The following EML5 variants were observed in gnomAD, a reference collection of about 807,000 sequenced individuals.
EML5 encodes the protein echinoderm microtubule-associated protein-like 5.
EML5 carries 120 observed loss-of-function variants against 250.0 expected under a neutral mutation model. That is an observed-to-expected ratio of 0.48 (90% CI 0.41 to 0.56). The LOEUF (loss-of-function observed/expected upper bound fraction) is 0.56. EML5 is among the 20% of genes least tolerant of loss of function. The pLI is 0.00. For missense variants in EML5, 2,006 were observed against 2,437.6 expected (o/e 0.82, Z 3.73); for synonymous variants, 771 against 806.5 (o/e 0.96, Z 0.75).
At chr14:88,702,330 T>G in intron 14 of EML5, 116 bp downstream of exon 14, 1 of 738,230 alleles carries the variant, frequency 1.4e-6, no homozygotes, top group Non-Finnish European at 1.9e-6. Flanking sequence ...TAAAACTCAT[T>G]CTAAAGAATT....
chr14:88,771,347 CTG>C (rs375302297), intron 1 of EML5, among the ~76,000 whole-genome samples: 64 of 152,312 alleles, frequency 4.2e-4, no homozygotes, highest in African/African-American at 1.5e-3. Context: ...ACTAATCTAA[CTG>C]TACTGGCAGA....
chr14:88,642,638 C>T (rs1431805472), intron 31 of EML5, among the ~76,000 whole-genome samples: 2 of 152,120 alleles, frequency 1.3e-5, no homozygotes, highest in African/African-American at 2.4e-5. Flanking sequence ...TACAGTAAAA[C>T]CTCTACTTCT....
At chr14:88,763,628 A>T (rs116761706) in intron 1 of EML5, among the ~76,000 whole-genome samples, 1 of 152,200 alleles carries the variant, frequency 6.6e-6, no homozygotes, top group African/African-American at 2.4e-5. Flanking sequence ...ACAATAGAAA[A>T]AGAGGGAATT....
chr14:88,637,359 C>G (rs1008650296), intron 32 of EML5, among the ~76,000 whole-genome samples: 3 of 152,064 alleles, frequency 2.0e-5, no homozygotes, highest in Non-Finnish European at 4.4e-5. Context: ...ATAGTGTTGT[C>G]TTTCAAAATA....
Position 88,702,554 on chromosome 14 carries a change from A to G in EML5, c.2130T>C (p.Gly710=). 1 of 1,613,226 alleles carries G rather than the reference A, an allele frequency of 6.2e-7. No homozygotes were observed. The highest frequency in any genetic ancestry group is 8.5e-7 in the Non-Finnish European group (1 of 1,179,546). The change falls in exon 14 of 44, where the codon GGT becomes GGC. Residue 710 remains glycine (G), a synonymous_variant. Transcript: ENST00000554922. ...TGTTTTGCTGTCGATTATAAATGAC[A>G]CCCACTGCTGCCACATGGTACACAA... The part of the protein sequence containing the change: ...GEIVYHVAAV[G]VIYNRQQNTQ...
At chr14:88,771,605 C>G (rs1447683621) in intron 1 of EML5, among the ~76,000 whole-genome samples, 1 of 152,190 alleles carries the variant, frequency 6.6e-6, no homozygotes, top group African/African-American at 2.4e-5. Flanking sequence ...GGTGTCTCAT[C>G]TTTTTCACTC....
At chr14:88,631,920 C>G (rs1234278608) in intron 33 of EML5, among the ~76,000 whole-genome samples, 1 of 152,170 alleles carries the variant, frequency 6.6e-6, no homozygotes, top group African/African-American at 2.4e-5. Context: ...CAACCTAATA[C>G]TCATTCCCCA....
intron 17 of EML5, among the ~76,000 whole-genome samples, chr14:88,692,062 T>G (rs1157845339): frequency 6.6e-6 from 1 of 152,134 alleles, no homozygotes; most frequent in Non-Finnish European, 1.5e-5. Context: ...TAATAAAATG[T>G]GGATTGAAAA....
chr14:88,746,037 C>T (rs1387630823), intron 3 of EML5, 148 bp downstream of exon 3: 5 of 594,376 alleles, frequency 8.4e-6, no homozygotes, highest in African/African-American at 3.8e-5. Context: ...AGACTTTTTA[C>T]ATCTGTACAA....
chr14:88,616,968 G>T, intron 41 of EML5, 89 bp from the exon 42 acceptor site: 1 of 1,257,970 alleles, frequency 7.9e-7, no homozygotes, highest in Non-Finnish European at 1.1e-6. Flanking sequence ...TAATCTCTAA[G>T]TACCCTATCA....
chr14:88,723,501 C>A (rs1335997895), intron 8 of EML5, among the ~76,000 whole-genome samples: 1 of 152,096 alleles, frequency 6.6e-6, no homozygotes, highest in Middle Eastern at 3.4e-3. Flanking sequence ...TCAGTTAGAA[C>A]GAGTTAGTAA....
rs2093455063 is a variant in EML5, at chr14:88,714,242, T to G, written c.1444+697A>C. Among the ~76,000 whole-genome samples, 3 of 152,222 alleles carry G rather than the reference T, an allele frequency of 2.0e-5. No individual in the cohort carries two copies. In the South Asian group the frequency reaches 6.2e-4, roughly 32 times the overall value. ...CACCCATAAAAATGGCATTTTTGAC[T>G]AAGATACAGTGGTACTTTACCATAC... On this transcript the variant is annotated intron_variant, in intron 9 of 43. Coordinates refer to ENST00000554922, the MANE Select transcript of EML5 (RefSeq NM_183387.3).
Position 88,766,225 on chromosome 14 carries a change from T to C in EML5, c.198-11554A>G, listed in dbSNP as rs58417652. The stretch of plus-strand genomic sequence containing the variant: ...TGGGCACCTTGAAAAAAGAACAGGA[T>C]AACAGCGATGTTCAGGGAACAAGGG... On this transcript the variant is annotated intron_variant, in intron 1 of 43. Coordinates refer to ENST00000554922, the MANE Select transcript of EML5 (RefSeq NM_183387.3). Among the ~76,000 whole-genome samples the C allele has an allele frequency of 0.015, 2,301 of 152,256 alleles. 117 individuals are homozygous for C. The East Asian group carries it at 0.19, about 12-fold the overall frequency.
chr14:88,644,457 T>C lies in EML5; in HGVS notation c.4083A>G (p.Val1361=), dbSNP rs150482128. ...PQPEKLQTNN[V]GKKKRPIEDL... is the part of the protein sequence containing the mutation. ...CCTCTATAGGTCTCTTTTTCTTGCC[T>C]ACATTGTTTGTCTGGAGTTTCTCTG... Residue 1361 remains valine (V), a synonymous_variant, in exon 30 of 44, where the codon GTA becomes GTG. Coordinates refer to ENST00000554922, the MANE Select transcript of EML5 (RefSeq NM_183387.3). The C allele has an allele frequency of 6.7e-3, 10,824 of 1,613,806 alleles. 48 individuals are homozygous for C. The highest frequency in any genetic ancestry group is 7.6e-3 in the Non-Finnish European group (8,937 of 1,179,778).
intron 33 of EML5, among the ~76,000 whole-genome samples, chr14:88,633,899 C>G (rs565531628): frequency 6.6e-6 from 1 of 152,174 alleles, no homozygotes; most frequent in East Asian, 1.9e-4. Context: ...GTGTGAGCTA[C>G]CATGCTTGTC....
intron 14 of EML5, among the ~76,000 whole-genome samples, chr14:88,697,545 A>AT (rs1217040679): frequency 1.3e-5 from 2 of 152,164 alleles, no homozygotes; most frequent in African/African-American, 4.8e-5. Flanking sequence ...TCTGTCACTT[A>AT]TTTTTTAACT....
chr14:88,690,231 C>T (rs1163595261), intron 17 of EML5, among the ~76,000 whole-genome samples: 3 of 152,116 alleles, frequency 2.0e-5, no homozygotes, highest in Non-Finnish European at 4.4e-5. Context: ...GTAAGGACGG[C>T]CTACTTTTGC....
intron 15 of EML5, 73 bp downstream of exon 15, chr14:88,696,774 C>CATAGCATTTTAATCTAAGTCAG: frequency 9.6e-7 from 1 of 1,046,130 alleles, no homozygotes; most frequent in Non-Finnish European, 1.4e-6. Context: ...TTAGGTAACA[C>CATAGCATTTTAATCTAAGTCAG]TGACTTAGAT....
rs2088213133 is a variant in EML5 at position 88,618,657 on chromosome 14, T to C, written c.5531A>G (p.Tyr1844Cys). The C allele has an allele frequency of 6.2e-7, 1 of 1,612,758 alleles. No homozygotes were observed. The highest frequency in any genetic ancestry group is 8.5e-7 in the Non-Finnish European group (1 of 1,179,424). ...ACAGTATTGGTACTGTACCTGGAGA[T>C]AACTGCTATCTGCAGAGAAGTCCAT... ...IQMDFSADSS[Y>C]LQVSSGCYKR... Residue 1844 changes from tyrosine to cysteine, a missense_variant, in exon 40 of 44, where the codon TAT becomes TGT. Coordinates refer to ENST00000554922, the MANE Select transcript of EML5 (RefSeq NM_183387.3).
Sources: gnomAD v4.1 joint callset for allele counts (sites outside exome capture counted in the v4.1 genomes callset) on GRCh38, gnomAD v4.1.1 for gene constraint, MANE v1.5 for transcripts, NCBI Gene and HGNC (gene_info 2026-07-23, HGNC 2026-07-21) for gene names.